The following KDM4C variants were observed in gnomAD, a reference collection of about 807,000 sequenced individuals.
KDM4C encodes the protein lysine demethylase 4C.
In KDM4C, 81 loss-of-function variants were observed where a neutral mutation model predicts 129.3. The observed-to-expected ratio is 0.63, with a 90% CI of 0.52 to 0.75. KDM4C has a LOEUF of 0.75. Ranked by LOEUF, KDM4C falls within the 30% of genes least tolerant of loss-of-function variation. The pLI is 0.00. For missense variants in KDM4C, 1,457 were observed against 1,304.0 expected (o/e 1.12, Z -1.81); for synonymous variants, 573 against 456.1 (o/e 1.26, Z -3.26).
At chr9:7,005,632 C>T (rs1821529197) in intron 12 of KDM4C, among the ~76,000 whole-genome samples, 1 of 152,108 alleles carries the variant, frequency 6.6e-6, no homozygotes, top group Non-Finnish European at 1.5e-5. Flanking sequence ...ATTTTTCCCA[C>T]CAGCCTGACT....
At chr9:6,977,489 T>C (rs1833128215) in intron 8 of KDM4C, among the ~76,000 whole-genome samples, 1 of 152,200 alleles carries the variant, frequency 6.6e-6, no homozygotes, top group Non-Finnish European at 1.5e-5. Context: ...TGCCATGTAA[T>C]ACCAAGCTCT....
chr9:7,114,746 G>A lies in KDM4C; in HGVS notation c.2610+10876G>A, dbSNP rs540868907. Among the ~76,000 whole-genome samples, 4 of 152,246 alleles carry A rather than the reference G, an allele frequency of 2.6e-5. No homozygotes were observed. In the South Asian group the frequency reaches 8.3e-4, roughly 32 times the overall value. On this transcript the variant is annotated intron_variant, in intron 18 of 21. Transcript: ENST00000381309. ...GGCTCTGTCATTTCCACCACAGAGTGCACCGTGGAACCAGGGAGCCCCTTA... is the reference window on the plus strand; with the variant it reads ...GGCTCTGTCATTTCCACCACAGAGTACACCGTGGAACCAGGGAGCCCCTTA...
At chr9:6,797,615 A>T (rs1827998953) in intron 2 of KDM4C, among the ~76,000 whole-genome samples, 1 of 152,214 alleles carries the variant, frequency 6.6e-6, no homozygotes, top group South Asian at 2.1e-4. Context: ...TTGGTCCCCA[A>T]CAGAAATCTG....
At chr9:7,049,523 T>A (rs531387170) in intron 17 of KDM4C, among the ~76,000 whole-genome samples, 10 of 152,272 alleles carry the variant, frequency 6.6e-5, no homozygotes, top group African/African-American at 2.2e-4. Context: ...TAACTCTATT[T>A]AAATTGTTTA....
At chr9:7,164,688 T>C (rs1844187771) in intron 19 of KDM4C, among the ~76,000 whole-genome samples, 1 of 152,212 alleles carries the variant, frequency 6.6e-6, no homozygotes, top group African/African-American at 2.4e-5. Context: ...ATTTGTCCCC[T>C]GCTCCACTTC....
chr9:6,817,714 TGAA>T (rs1321262887), intron 4 of KDM4C, among the ~76,000 whole-genome samples: 1 of 150,724 alleles, frequency 6.6e-6, no homozygotes, highest in Non-Finnish European at 1.5e-5. Context: ...CAGAAAAACG[TGAA>T]GAAGAGAATA....
At chr9:7,115,723 C>G (rs1838825180) in intron 18 of KDM4C, among the ~76,000 whole-genome samples, 3 of 152,176 alleles carry the variant, frequency 2.0e-5, no homozygotes. Context: ...ATTGTATGTC[C>G]ACTTTCAACA....
intron 15 of KDM4C, among the ~76,000 whole-genome samples, chr9:7,044,454 G>T (rs912911301): frequency 6.6e-6 from 1 of 151,858 alleles, no homozygotes; most frequent in Admixed American, 6.6e-5. Flanking sequence ...AATAGTTTAG[G>T]TCTGGTGAAG....
At chr9:7,090,163 A>G (rs1258854744) in intron 17 of KDM4C, among the ~76,000 whole-genome samples, 1 of 152,214 alleles carries the variant, frequency 6.6e-6, no homozygotes, top group Non-Finnish European at 1.5e-5. Flanking sequence ...TGATAGATGC[A>G]CTTATAACCT....
intron 20 of KDM4C, 77 bp downstream of exon 20, chr9:7,165,434 G>T: frequency 6.7e-7 from 1 of 1,498,276 alleles, no homozygotes; most frequent in East Asian, 2.3e-5. Context: ...CAAGTGTGCT[G>T]CTGAACAATA....
At position 6,884,559 on chromosome 9, in the gene KDM4C, A is replaced by G. The variant is rs1844969492; in HGVS notation, c.680-3401A>G. Among the ~76,000 whole-genome samples, 3 of 152,254 alleles carry G rather than the reference A, an allele frequency of 2.0e-5. No homozygotes were observed. The South Asian group carries it at 6.2e-4, about 32-fold the overall frequency. On this transcript the variant is annotated intron_variant, in intron 6 of 21. Transcript: ENST00000381309. The stretch of plus-strand genomic sequence containing the variant: ...AAACTTCATCAAAGCATACTTGGGC[A>G]AATTTCAATTATCAAGTAAAATTGT...
chr9:6,877,026 C>G (rs1160405880), intron 5 of KDM4C, among the ~76,000 whole-genome samples: 1 of 152,090 alleles, frequency 6.6e-6, no homozygotes, highest in Non-Finnish European at 1.5e-5. Flanking sequence ...AATGTACTAC[C>G]CTGTCAGAAT....
intron 8 of KDM4C, among the ~76,000 whole-genome samples, chr9:6,927,089 TTCTA>T (rs34242647): frequency 0.26 from 37,599 of 144,586 alleles, 4,869 homozygotes; most frequent in Admixed American, 0.33. Context: ...AAAAAAAATT[TTCTA>T]TCTATCTATC....
At chr9:7,053,919 A>T (rs1830540044) in intron 17 of KDM4C, among the ~76,000 whole-genome samples, 1 of 152,264 alleles carries the variant, frequency 6.6e-6, no homozygotes, top group African/African-American at 2.4e-5. Context: ...TAAAGACTTC[A>T]TATCCAAAAG....
chr9:7,008,464 C>A lies in KDM4C; in HGVS notation c.1787-3234C>A, dbSNP rs748006641. Among the ~76,000 whole-genome samples the A allele has an allele frequency of 4.6e-5, 7 of 152,322 alleles. No individual in the cohort carries two copies. The East Asian group carries it at 1.2e-3, about 25-fold the overall frequency. On this transcript the variant is annotated intron_variant, in intron 12 of 21. Transcript: ENST00000381309. ...GCTCACTCCAGAGCCAAGACAACCC[C>A]CACAGACCCAGGCTCCAAGCTGGTC...
At chr9:6,816,693 T>C (rs764518700) in intron 4 of KDM4C, among the ~76,000 whole-genome samples, 2 of 152,220 alleles carry the variant, frequency 1.3e-5, no homozygotes, top group Non-Finnish European at 2.9e-5. Flanking sequence ...CTCGATATTG[T>C]CATTTCTTTA....
At chr9:7,016,723 A>G (rs1159443221) in intron 15 of KDM4C, among the ~76,000 whole-genome samples, 1 of 151,914 alleles carries the variant, frequency 6.6e-6, no homozygotes, top group African/African-American at 2.4e-5. Flanking sequence ...ACTGTGCCCG[A>G]CTATTAGGTA....
chr9:7,045,584 AGGATAT>A (rs756701803), intron 15 of KDM4C, among the ~76,000 whole-genome samples: 50 of 152,060 alleles, frequency 3.3e-4, no homozygotes, highest in Non-Finnish European at 3.2e-4. Context: ...AAAGGCCTCT[AGGATAT>A]GGCTTTGTGG....
intron 4 of KDM4C, among the ~76,000 whole-genome samples, chr9:6,848,370 A>C (rs954308663): frequency 1.3e-5 from 2 of 152,102 alleles, no homozygotes; most frequent in African/African-American, 4.8e-5. Context: ...AACTGTAGTC[A>C]ATTCATGAGT....
Sources: gnomAD v4.1 joint callset for allele counts (sites outside exome capture counted in the v4.1 genomes callset) on GRCh38, gnomAD v4.1.1 for gene constraint, MANE v1.5 for transcripts, NCBI Gene and HGNC (gene_info 2026-07-23, HGNC 2026-07-21) for gene names.